The following TMEM63B variants were observed in gnomAD, a reference collection of about 807,000 sequenced individuals.
The protein encoded by TMEM63B is mechanosensitive cation channel TMEM63B.
TMEM63B carries 23 observed loss-of-function variants against 102.6 expected under a neutral mutation model. The observed-to-expected ratio is 0.22, with a 90% CI of 0.16 to 0.32. The LOEUF is 0.32. TMEM63B is among the 10% of genes least tolerant of loss of function. TMEM63B has a pLI of 1.00. For missense variants in TMEM63B, 628 were observed against 1,095.9 expected (o/e 0.57, Z 6.03); for synonymous variants, 444 against 437.0 (o/e 1.02, Z -0.20).
Position 44,150,701 on chromosome 6 carries a change from C to A in TMEM63B, c.1673+72C>A. ...GGTATGCTTGAGAGACATTGCCAGC[C>A]CCATGGGAGGGTGCAACAAAGCTTC... On this transcript the variant is annotated intron_variant, in intron 18 of 23. Coordinates refer to ENST00000323267, the MANE Select transcript of TMEM63B (RefSeq NM_018426.3). The surrounding 1 kb of genome is among the most constrained non-coding windows in gnomAD (Gnocchi z 4.7). 1 of 1,476,282 alleles carries A rather than the reference C, an allele frequency of 6.8e-7. No individual in the cohort carries two copies. Among genetic ancestry groups the A allele is most frequent in the Non-Finnish European group, 9.4e-7 (1 of 1,060,174 alleles). 91.4% of individuals were successfully genotyped at this position (1,476,282 alleles called of 1,614,324 possible).
In TMEM63B at chr6:44,147,370, C is replaced by G; in HGVS notation, c.864-7C>G. The G allele has an allele frequency of 6.2e-7, 1 of 1,614,122 alleles. No homozygotes were observed. Among genetic ancestry groups the G allele is most frequent in the African/African-American group, 1.3e-5 (1 of 75,020 alleles). ...GATGTAGGTGACCAGGCATCTGGGT[C>G]CCACAGGAAGAAGGCCGAGCGGGGA... On this transcript the variant is annotated splice_region_variant and splice_polypyrimidine_tract_variant and intron_variant, in intron 11 of 23. Coordinates refer to ENST00000323267, the MANE Select transcript of TMEM63B (RefSeq NM_018426.3).
chr6:44,154,349 T>G lies in TMEM63B; in HGVS notation c.2227-16T>G. On this transcript the variant is annotated splice_polypyrimidine_tract_variant and intron_variant, in intron 22 of 23. Coordinates refer to ENST00000323267, the MANE Select transcript of TMEM63B (RefSeq NM_018426.3). ...GGACATGCCCCCACTTCCTGACTCA[T>G]TCTGGGCCCCTCAAGATTGAGCACA... The G allele has an allele frequency of 6.2e-7, 1 of 1,613,764 alleles. No homozygotes were observed. Among genetic ancestry groups the G allele is most frequent in the Non-Finnish European group, 8.5e-7 (1 of 1,179,836 alleles).
chr6:44,153,149 G>T (rs1215717746), intron 20 of TMEM63B, among the ~76,000 whole-genome samples: 1 of 152,200 alleles, frequency 6.6e-6, no homozygotes, highest in African/African-American at 2.4e-5. Flanking sequence ...TGAGCTATGT[G>T]ACTTGGCCAG....
intron 6 of TMEM63B, chr6:44,138,736 G>GCCCCCCCCCCCC (rs77370584): frequency 1.6e-4 from 45 of 288,474 alleles, no homozygotes; most frequent in Non-Finnish European, 2.2e-4. Flanking sequence ...CCCCCTGCCG[G>GCCCCCCCCCCCC]CCCCCCCGCT....
rs769604241 is a variant in TMEM63B at position 44,151,861 on chromosome 6, C to T, written c.1689C>T (p.Pro563=). Residue 563 remains proline, a synonymous_variant, in exon 19 of 24, where the codon CCC becomes CCT. Coordinates refer to ENST00000323267, the MANE Select transcript of TMEM63B (RefSeq NM_018426.3). ...AAIRFECVFL[P]DNGAFFVNYV... is the part of the protein sequence containing the mutation. ...GTGCCCGCAGGTGTGTGTTCCTGCC[C>T]GACAACGGCGCCTTCTTCGTGAACT... 6.2e-6 allele frequency: 10 copies of T among 1,611,338 alleles called. No homozygotes were observed. The highest frequency in any genetic ancestry group is 2.2e-5 in the South Asian group (2 of 90,790).
chr6:44,145,067 G>C (rs1765067380), intron 10 of TMEM63B, among the ~76,000 whole-genome samples: 1 of 151,778 alleles, frequency 6.6e-6, no homozygotes, highest in Non-Finnish European at 1.5e-5. Flanking sequence ...ACAAGGTCAG[G>C]AGTTCAGGAC....
At position 44,148,121 on chromosome 6, in the gene TMEM63B, T is replaced by C; in HGVS notation, c.988-131T>C. 2 of 1,325,932 alleles carry C rather than the reference T, an allele frequency of 1.5e-6. No homozygotes were observed. Among genetic ancestry groups the C allele is most frequent in the Non-Finnish European group, 2.1e-6 (2 of 968,140 alleles). The allele number at this position is 1,325,932 out of a possible 1,614,324, so 82.1% of individuals were successfully genotyped here. On this transcript the variant is annotated intron_variant, in intron 12 of 23. Transcript: ENST00000323267. This position sits in a 1 kb window ranked among gnomAD's most constrained non-coding sequence, Gnocchi z 5.1. ...CTGGGCATCAGAGCGAGACGCTGTT[T>C]CCAAAAAAAAAAAAATGCTTAGAGG... is the stretch of plus-strand genomic sequence containing the variant.
At position 44,154,139 on chromosome 6, in the gene TMEM63B, G is replaced by T; in HGVS notation, c.2177G>T (p.Cys726Phe). ...VLVITIVICL[C>F]HVCFGHFKYL... Reference sequence around the variant, plus strand: ...GTCATCACCATCGTCATCTGTCTCTGCCACGTCTGCTTTGGACACTTCAAA... The same window carrying T: ...GTCATCACCATCGTCATCTGTCTCTTCCACGTCTGCTTTGGACACTTCAAA... Residue 726 changes from cysteine (C) to phenylalanine (F), a missense_variant, in exon 22 of 24, where the codon TGC (cysteine) becomes TTC (phenylalanine). By Grantham distance (205) the Cys-to-Phe change is radical. Transcript: ENST00000323267. 1 of 1,614,156 alleles carries T rather than the reference G, an allele frequency of 6.2e-7. No homozygotes were observed. Among genetic ancestry groups the T allele is most frequent in the Non-Finnish European group, 8.5e-7 (1 of 1,179,998 alleles).
chr6:44,136,816 G>T lies in TMEM63B; in HGVS notation c.369+377G>T, dbSNP rs1763056749. Reference sequence around the variant, plus strand: ...AATCCCAGCACTTTGGGAGGCCGAGGCGGGAGGATCACGAGGTCACTAGAT... The same window carrying T: ...AATCCCAGCACTTTGGGAGGCCGAGTCGGGAGGATCACGAGGTCACTAGAT... On this transcript the variant is annotated intron_variant, in intron 5 of 23. Transcript: ENST00000323267. Among the ~76,000 whole-genome samples the T allele has an allele frequency of 1.3e-5, 2 of 152,246 alleles. 1 individual carries two copies. Among genetic ancestry groups the T allele is most frequent in the Admixed American group, 1.3e-4 (2 of 15,282 alleles).
rs1229650393 is a variant in TMEM63B at position 44,150,673 on chromosome 6, G to T, written c.1673+44G>T. ...TAGGGAAAGAGACCAGACAGCAGGG[G>T]TGGGTATGCTTGAGAGACATTGCCA... On this transcript the variant is annotated intron_variant, in intron 18 of 23. Coordinates refer to ENST00000323267, the MANE Select transcript of TMEM63B (RefSeq NM_018426.3). This position sits in a 1 kb window ranked among gnomAD's most constrained non-coding sequence, Gnocchi z 4.7. The T allele has an allele frequency of 6.3e-7, 1 of 1,593,160 alleles. No homozygotes were observed. The highest frequency in any genetic ancestry group is 1.7e-5 in the Admixed American group (1 of 59,852).
chr6:44,135,533 C>G (rs1024439846), intron 4 of TMEM63B, among the ~76,000 whole-genome samples, 167 bp downstream of exon 4: 2 of 152,256 alleles, frequency 1.3e-5, no homozygotes, highest in Non-Finnish European at 2.9e-5. Context: ...GAGCAGGGGG[C>G]TCCCCAGCTT....
At position 44,140,352 on chromosome 6, in the gene TMEM63B, G is replaced by T. The variant is rs1437632626; in HGVS notation, c.703G>T (p.Asp235Tyr). Reference sequence around the variant, plus strand: ...CACCTCCAAGATGCGCTACAAGGAGGATGATCTGGTGCGTGGAGCAGAGCC... The same window carrying T: ...CACCTCCAAGATGCGCTACAAGGAGTATGATCTGGTGCGTGGAGCAGAGCC... ...RHTSKMRYKEDDLVKRTLFIN... is the reference protein window; with the variant it reads ...RHTSKMRYKEYDLVKRTLFIN... The change falls in exon 9 of 24, where the codon GAT (aspartate) becomes TAT (tyrosine). Residue 235 changes from aspartate to tyrosine, a missense_variant. Physicochemically the swap from Asp to Tyr is radical, Grantham distance 160 (BLOSUM62 -3). This residue lies in a region of TMEM63B where 336 missense variants were observed against 580.3 expected (regional missense o/e 0.58). Coordinates refer to ENST00000323267, the MANE Select transcript of TMEM63B (RefSeq NM_018426.3). 1 of 1,613,698 alleles carries T rather than the reference G, an allele frequency of 6.2e-7. No individual in the cohort carries two copies.
upstream of TMEM63B, chr6:44,127,015 G>C (rs1288448475): frequency 1.3e-5 from 2 of 152,256 alleles, no homozygotes; most frequent in East Asian, 3.9e-4. Flanking sequence ...GGAGTGACCA[G>C]CGACGGCTGA....
intron 1 of TMEM63B, among the ~76,000 whole-genome samples, chr6:44,133,459 C>G (rs948319135): frequency 1.3e-5 from 2 of 152,182 alleles, no homozygotes; most frequent in Admixed American, 6.5e-5. Flanking sequence ...AGCCCGCCCC[C>G]GAGGCAGAGC....
intron 10 of TMEM63B, among the ~76,000 whole-genome samples, chr6:44,145,392 C>T (rs1454003438): frequency 6.7e-6 from 1 of 149,832 alleles, no homozygotes; most frequent in East Asian, 2.0e-4. Flanking sequence ...ACCAGCCTGG[C>T]CAACATGTTG....
rs199751940 is a variant in TMEM63B, at chr6:44,136,352, G to C, written c.282G>C (p.Val94=). Residue 94 remains valine, a synonymous_variant, in exon 5 of 24, where the codon GTG becomes GTC. Coordinates refer to ENST00000323267, the MANE Select transcript of TMEM63B (RefSeq NM_018426.3). ...CTCTCATCTCCCTCACCCCCAGTGTGGCTTCAGCTATGCACGGGGACAGCC... is the reference window on the plus strand; with the variant it reads ...CTCTCATCTCCCTCACCCCCAGTGTCGCTTCAGCTATGCACGGGGACAGCC... The part of the protein sequence containing the change: ...QERDRVEQEY[V]ASAMHGDSHD... The C allele has an allele frequency of 8.1e-6, 13 of 1,613,976 alleles. No individual in the cohort carries two copies. In the African/African-American group the frequency reaches 1.7e-4, roughly 22 times the overall value.
rs767016232 is a variant in TMEM63B at position 44,151,889 on chromosome 6, G to A, written c.1717G>A (p.Val573Ile). ...CAACGGCGCCTTCTTCGTGAACTAC[G>A]TCATTGCCTCAGCCTTTATCGGCAA... ...PDNGAFFVNY[V>I]IASAFIGNAM... is the part of the protein sequence containing the mutation. The change falls in exon 19 of 24, where the codon GTC (valine) becomes ATC (isoleucine). Residue 573 changes from valine to isoleucine, a missense_variant. Val to Ile is a conservative substitution (Grantham distance 29). Coordinates refer to ENST00000323267, the MANE Select transcript of TMEM63B (RefSeq NM_018426.3). 2 of 1,613,352 alleles carry A rather than the reference G, an allele frequency of 1.2e-6. No homozygotes were observed. The highest frequency in any genetic ancestry group is 8.5e-7 in the Non-Finnish European group (1 of 1,179,692).
chr6:44,140,993 G>A, intron 9 of TMEM63B, 35 bp from the exon 10 acceptor site: 1 of 1,606,844 alleles, frequency 6.2e-7, no homozygotes, highest in Non-Finnish European at 8.5e-7. Context: ...CTGGGGTCAA[G>A]CCTCAGAAGG....
At chr6:44,133,929 G>A (rs777152633) in intron 1 of TMEM63B, among the ~76,000 whole-genome samples, 5 of 152,246 alleles carry the variant, frequency 3.3e-5, no homozygotes, top group African/African-American at 4.8e-5. Context: ...GAATAAGCAG[G>A]AGTGGCTGGG....
Sources: allele counts gnomAD v4.1 joint callset (sites outside exome capture counted in the v4.1 genomes callset), GRCh38; gene constraint gnomAD v4.1.1; regional missense constraint gnomAD v4.1.1; non-coding constraint Gnocchi (gnomAD v3.1); transcripts MANE v1.5; gene names NCBI Gene and HGNC (gene_info 2026-07-23, HGNC 2026-07-21).